The following EIF4G2 variants were observed in gnomAD, a reference collection of about 807,000 sequenced individuals.
EIF4G2 encodes DAP-5.
EIF4G2 carries 8 observed loss-of-function variants against 117.7 expected under a neutral mutation model. That is an observed-to-expected ratio of 0.07 (90% CI 0.04 to 0.12). The LOEUF (loss-of-function observed/expected upper bound fraction) is 0.12, where lower values mean the gene tolerates loss of function less well. Ranked by LOEUF, EIF4G2 falls within the 10% of genes least tolerant of loss-of-function variation. The pLI is 1.00. For synonymous variants in EIF4G2, 413 were observed against 367.8 expected (o/e 1.12, Z -1.41); for missense variants, 812 against 1,086.2 (o/e 0.75, Z 3.55).
In EIF4G2 at chr11:10,803,460, T is replaced by A; in HGVS notation, c.813+20A>T. The stretch of plus-strand genomic sequence containing the variant: ...TTAAAGACAAACTACTTGTACTACT[T>A]TCATCAGCTACACACGTACCTTGGC... On this transcript the variant is annotated intron_variant, in intron 9 of 21. Transcript: ENST00000339995. The surrounding 1 kb of genome is among the most constrained non-coding windows in gnomAD (Gnocchi z 4.0). The A allele has an allele frequency of 6.2e-7, 1 of 1,605,460 alleles. No homozygotes were observed. The highest frequency in any genetic ancestry group is 8.5e-7 in the Non-Finnish European group (1 of 1,172,414).
In EIF4G2 at chr11:10,806,065, G is replaced by A. The variant is rs765093903; in HGVS notation, c.108-18C>T. 6.2e-7 allele frequency: 1 copy of A among 1,613,852 alleles called. No individual in the cohort carries two copies. The highest frequency in any genetic ancestry group is 8.5e-7 in the Non-Finnish European group (1 of 1,179,848). ...GGAACTCGCTGATTAATAAAAATCA[G>A]CAAAAACACTTATTGTCACACACCA... On this transcript the variant is annotated intron_variant, in intron 3 of 21. Transcript: ENST00000339995.
Position 10,805,950 on chromosome 11 carries a change from TTGCGGAGTTGTTTGC to T in EIF4G2, c.190_204del (p.Ala64_Ala68del), listed in dbSNP as rs762064391. ...ATTGCATCATGTCGTTCTTTTTCGT[TTGCGGAGTTGTTTGC>T]TGCGGAGTTGTCATCTCGTCTAGTG... On this transcript the variant is annotated inframe_deletion, in exon 4 of 22. Transcript: ENST00000339995. The T allele has an allele frequency of 1.9e-5, 31 of 1,614,100 alleles. No individual in the cohort carries two copies. Among genetic ancestry groups the T allele is most frequent in the Admixed American group, 5.0e-5 (3 of 60,010 alleles).
Position 10,802,111 on chromosome 11 carries a change from G to A in EIF4G2, c.1237C>T (p.His413Tyr). ...TGCGATTGTGTGGGAGGCATGATGTGTCCCCCATGGCCATTGAAGAGTTGA... is the reference window on the plus strand; with the variant it reads ...TGCGATTGTGTGGGAGGCATGATGTATCCCCCATGGCCATTGAAGAGTTGA... The change falls in exon 13 of 22, where the codon CAC becomes TAC. Residue 413 changes from histidine (H) to tyrosine (Y), a missense_variant. By Grantham distance (83) the His-to-Tyr change is moderately conservative. Around this residue, in one of 4 missense-constraint regions of EIF4G2, gnomAD observed 571 missense variants for 642.3 expected, o/e 0.89. Coordinates refer to ENST00000339995, the MANE Select transcript of EIF4G2 (RefSeq NM_001418.4). 1 of 1,183,292 alleles carries A rather than the reference G, an allele frequency of 8.5e-7. No homozygotes were observed. The highest frequency in any genetic ancestry group is 1.1e-6 in the Non-Finnish European group (1 of 936,158). 73.3% of individuals were successfully genotyped at this position (1,183,292 alleles called of 1,614,324 possible).
At chr11:10,799,894 A>C (rs1423770562) in intron 18 of EIF4G2, 138 bp from the exon 19 acceptor site, 2 of 1,195,520 alleles carry the variant, frequency 1.7e-6, no homozygotes, top group Non-Finnish European at 2.3e-6. Context: ...CCAGCAAATG[A>C]AAAAAACTCA....
intron 3 of EIF4G2, chr11:10,806,453 T>C (rs1322447010): frequency 3.0e-6 from 1 of 329,678 alleles, no homozygotes; most frequent in African/African-American, 2.1e-5. Context: ...GTTGTTGGGA[T>C]TACAGGTGTG....
At position 10,808,429 on chromosome 11, in the gene EIF4G2, C is replaced by A. The variant is rs890212513; in HGVS notation, c.-87+276G>T. ...CGTCCGAGCACAGCCGTGCCTCGGT[C>A]CGCCACGGCCTCGTCCCTGCAGGCG... is the stretch of plus-strand genomic sequence containing the variant. On this transcript the variant is annotated intron_variant, in intron 1 of 21. Transcript: ENST00000339995. The A allele has an allele frequency of 2.2e-5, 28 of 1,261,012 alleles. No individual in the cohort carries two copies. The African/African-American group carries it at 4.2e-4, about 19-fold the overall frequency. 78.1% of individuals were successfully genotyped at this position (1,261,012 alleles called of 1,614,324 possible).
intron 15 of EIF4G2, 22 bp from the exon 16 acceptor site, chr11:10,800,857 A>C (rs1847396709): frequency 3.3e-5 from 54 of 1,612,624 alleles, no homozygotes; most frequent in Non-Finnish European, 4.5e-5. Flanking sequence ...GCAATGACAG[A>C]CTTTTTTTAA....
In EIF4G2 at chr11:10,801,791, G is replaced by A. The variant is rs779696469; in HGVS notation, c.1300-17C>T. The A allele has an allele frequency of 3.7e-6, 6 of 1,608,498 alleles. No individual in the cohort carries two copies. The highest frequency in any genetic ancestry group is 2.2e-5 in the South Asian group (2 of 90,144). On this transcript the variant is annotated splice_polypyrimidine_tract_variant and intron_variant, in intron 13 of 21. Transcript: ENST00000339995. ...GCTTAGCCCCTATTTCAGAAAAGGA[G>A]AAAGAAAGTCTAGATAAAAAGGGGT...
chr11:10,803,564 T>C lies in EIF4G2; in HGVS notation c.729A>G (p.Gln243=). The change falls in exon 9 of 22, where the codon CAA becomes CAG. Residue 243 remains glutamine, a synonymous_variant. Coordinates refer to ENST00000339995, the MANE Select transcript of EIF4G2 (RefSeq NM_001418.4). The surrounding 1 kb of genome is among the most constrained non-coding windows in gnomAD (Gnocchi z 4.0). ...CCAAATCCTCTCCCATATCTTTGAG[T>C]TGGACTCTCTTCTTCTTTTCCAAAA... 6.2e-7 allele frequency: 1 copy of C among 1,613,982 alleles called. No individual in the cohort carries two copies. Among genetic ancestry groups the C allele is most frequent in the Admixed American group, 1.7e-5 (1 of 60,026 alleles).
chr11:10,799,740 C>T lies in EIF4G2; in HGVS notation c.2136G>A (p.Lys712=). Residue 712 remains lysine (K), a synonymous_variant, in exon 19 of 22, where the codon AAG becomes AAA. Coordinates refer to ENST00000339995, the MANE Select transcript of EIF4G2 (RefSeq NM_001418.4). The stretch of plus-strand genomic sequence containing the variant: ...CTTCCAAAATCTCCAACATGCGGTC[C>T]TTATTCTGATCAATTTCTGAAGAGA... 1 of 1,612,710 alleles carries T rather than the reference C, an allele frequency of 6.2e-7. No individual in the cohort carries two copies. Among genetic ancestry groups the T allele is most frequent in the Non-Finnish European group, 8.5e-7 (1 of 1,179,716 alleles).
In EIF4G2 at chr11:10,802,255, T is replaced by A. The variant is rs763257063; in HGVS notation, c.1138+39A>T. 8 of 1,611,514 alleles carry A rather than the reference T, an allele frequency of 5.0e-6. No homozygotes were observed. The South Asian group carries it at 8.8e-5, about 18-fold the overall frequency. ...AACTCTCAAAACTAAAGTTAACTGA[T>A]TTTTCAGCTTAACGCAACCATTGTT... On this transcript the variant is annotated intron_variant, in intron 12 of 21. Coordinates refer to ENST00000339995, the MANE Select transcript of EIF4G2 (RefSeq NM_001418.4).
At chr11:10,800,935 A>G (rs147380027) in intron 15 of EIF4G2, 27 bp downstream of exon 15, 2 of 1,612,968 alleles carry the variant, frequency 1.2e-6, no homozygotes, top group Admixed American at 1.7e-5. Flanking sequence ...ATATCTTTAG[A>G]AAATGCTGTC....
intron 2 of EIF4G2, 125 bp downstream of exon 2, chr11:10,807,130 C>CA: frequency 1.4e-6 from 2 of 1,404,244 alleles, no homozygotes; most frequent in Non-Finnish European, 1.9e-6. Flanking sequence ...AGAAGGCTGT[C>CA]AATGAAAACT....
Position 10,804,951 on chromosome 11 carries a change from C to T in EIF4G2, c.313G>A (p.Val105Ile). The change falls in exon 5 of 22, where the codon GTA (valine) becomes ATA (isoleucine). Residue 105 changes from valine to isoleucine, a missense_variant. This residue lies in a region of EIF4G2 where 154 missense variants were observed against 322.1 expected (regional missense o/e 0.48). Coordinates refer to ENST00000339995, the MANE Select transcript of EIF4G2 (RefSeq NM_001418.4). ...CCTTTAAGGATGAGTTTAGACTCTA[C>T]ACCCACATTGAGGAGCTCAAGGCAT... The T allele has an allele frequency of 6.2e-7, 1 of 1,614,146 alleles. No homozygotes were observed. The highest frequency in any genetic ancestry group is 8.5e-7 in the Non-Finnish European group (1 of 1,179,998).
chr11:10,801,403 TACAA>T (rs1847412433), intron 14 of EIF4G2: 2 of 645,424 alleles, frequency 3.1e-6, no homozygotes, highest in East Asian at 2.8e-5. Flanking sequence ...AAATCACCCT[TACAA>T]AGAAAGAAAC....
chr11:10,805,365 T>C lies in EIF4G2; in HGVS notation c.249-350A>G, dbSNP rs553008868. Among the ~76,000 whole-genome samples the C allele has an allele frequency of 9.2e-5, 14 of 152,260 alleles. No individual in the cohort carries two copies. In the South Asian group the frequency reaches 1.7e-3, roughly 18 times the overall value. ...TAGCACTTCCCTTAGTCAAGGGAAATGCTAGCATGACAGGATTATGGATTG... is the reference window on the plus strand; with the variant it reads ...TAGCACTTCCCTTAGTCAAGGGAAACGCTAGCATGACAGGATTATGGATTG... On this transcript the variant is annotated intron_variant, in intron 4 of 21. Transcript: ENST00000339995.
At position 10,800,466 on chromosome 11, in the gene EIF4G2, T is replaced by C. The variant is rs1371151473; in HGVS notation, c.1826A>G (p.Gln609Arg). ...GTTGTCACTTGTGGCTATCCCTTCC[T>C]GTTTGAGTAAACTGATCAAAGAACT... Residue 609 changes from glutamine to arginine, a missense_variant, in exon 17 of 22, where the codon CAG becomes CGG. By Grantham distance (43) the Gln-to-Arg change is conservative. Coordinates refer to ENST00000339995, the MANE Select transcript of EIF4G2 (RefSeq NM_001418.4). 24 of 1,614,120 alleles carry C rather than the reference T, an allele frequency of 1.5e-5. No homozygotes were observed. Among genetic ancestry groups the C allele is most frequent in the South Asian group, 3.3e-5 (3 of 91,086 alleles).
chr11:10,804,555 C>T, intron 5 of EIF4G2, 137 bp from the exon 6 acceptor site: 1 of 1,109,202 alleles, frequency 9.0e-7, no homozygotes, highest in East Asian at 2.5e-5. Context: ...CATCTAGTCA[C>T]ATCCATCTCC....
intron 1 of EIF4G2, 199 bp from the exon 2 acceptor site, chr11:10,807,580 G>T (rs1847617083): frequency 8.1e-7 from 1 of 1,232,752 alleles, no homozygotes; most frequent in Non-Finnish European, 1.0e-6. Flanking sequence ...AGGATGCAAA[G>T]AGACTTCGTA....
Sources: allele counts gnomAD v4.1 joint callset (sites outside exome capture counted in the v4.1 genomes callset), GRCh38; gene constraint gnomAD v4.1.1; regional missense constraint gnomAD v4.1.1; non-coding constraint Gnocchi (gnomAD v3.1); transcripts MANE v1.5; gene names NCBI Gene and HGNC (gene_info 2026-07-23, HGNC 2026-07-21).